PLXDC2: variants seen among roughly 807,000 people sequenced by gnomAD.
PLXDC2 encodes plexin domain-containing protein 2.
PLXDC2 carries 40 observed loss-of-function variants against 68.9 expected under a neutral mutation model. The ratio of observed to expected loss-of-function variants is 0.58; its 90% confidence interval spans 0.45 to 0.76. The LOEUF is 0.76. Among genes scored for constraint, PLXDC2 ranks in the 30% least tolerant of loss-of-function variants. The probability of loss-of-function intolerance (pLI) is 0.00; values close to 1 mark genes in which losing one functional copy is unlikely to be tolerated. For synonymous variants in PLXDC2, 243 were observed against 234.2 expected (o/e 1.04, Z -0.34); for missense variants, 644 against 661.9 (o/e 0.97, Z 0.30).
rs1160996270 is a variant in PLXDC2, at chr10:19,817,203, G to T, written c.112+12G>T. 6.4e-7 allele frequency: 1 copy of T among 1,551,710 alleles called. No individual in the cohort carries two copies. ...AGACCAAATCCTTGGTAAGTAAGAT[G>T]CACTTTAGCTTGCTGATTTTGTGCG... On this transcript the variant is annotated intron_variant, in intron 1 of 13. Coordinates refer to ENST00000377252, the MANE Select transcript of PLXDC2 (RefSeq NM_032812.9).
intron 7 of PLXDC2, among the ~76,000 whole-genome samples, chr10:20,175,582 A>G (rs988535478): frequency 6.6e-6 from 1 of 152,196 alleles, no homozygotes; most frequent in Non-Finnish European, 1.5e-5. Context: ...TAATCCCATC[A>G]CTTTGGGAGG....
intron 13 of PLXDC2, among the ~76,000 whole-genome samples, chr10:20,279,036 C>A (rs1564374714): frequency 6.6e-6 from 1 of 152,124 alleles, no homozygotes; most frequent in African/African-American, 2.4e-5. Context: ...GGACTAGTGT[C>A]TATTGTACAA....
chr10:19,922,696 C>T (rs1334753390), intron 1 of PLXDC2, among the ~76,000 whole-genome samples: 2 of 152,162 alleles, frequency 1.3e-5, no homozygotes, highest in Non-Finnish European at 2.9e-5. Flanking sequence ...ATATATGAGA[C>T]TCAGCTTAGT....
intron 1 of PLXDC2, among the ~76,000 whole-genome samples, chr10:19,949,594 T>C (rs1833961291): frequency 6.6e-6 from 1 of 152,216 alleles, no homozygotes; most frequent in Non-Finnish European, 1.5e-5. Context: ...CAGCTTATGT[T>C]AGAGTGTATA....
intron 1 of PLXDC2, among the ~76,000 whole-genome samples, chr10:19,983,166 AT>A (rs932616957): frequency 1.3e-5 from 2 of 152,170 alleles, no homozygotes; most frequent in African/African-American, 2.4e-5. Flanking sequence ...AATCTTTAGT[AT>A]TTACTGAACG....
At chr10:19,845,263 A>T (rs1326885299) in intron 1 of PLXDC2, among the ~76,000 whole-genome samples, 1 of 152,072 alleles carries the variant, frequency 6.6e-6, no homozygotes, top group Non-Finnish European at 1.5e-5. Context: ...AACGTGTAGG[A>T]TTTGTTTTTT....
chr10:19,936,602 G>A (rs933810454), intron 1 of PLXDC2, among the ~76,000 whole-genome samples: 2 of 152,102 alleles, frequency 1.3e-5, no homozygotes, highest in Non-Finnish European at 2.9e-5. Context: ...GCACTGGGGC[G>A]GGCTCACACC....
intron 1 of PLXDC2, among the ~76,000 whole-genome samples, chr10:19,991,333 T>G (rs1057245133): frequency 1.4e-5 from 2 of 145,874 alleles, no homozygotes; most frequent in African/African-American, 5.1e-5. Context: ...AATTTCTATT[T>G]CTCATCATTT....
intron 4 of PLXDC2, among the ~76,000 whole-genome samples, chr10:20,103,072 A>T (rs1171384550): frequency 6.6e-6 from 1 of 152,148 alleles, no homozygotes; most frequent in Admixed American, 6.5e-5. Context: ...TATGTGGAGT[A>T]CCTCTGAGAG....
At chr10:20,002,488 A>T (rs1159486202) in intron 2 of PLXDC2, among the ~76,000 whole-genome samples, 1 of 152,006 alleles carries the variant, frequency 6.6e-6, no homozygotes, top group East Asian at 1.9e-4. Context: ...TGGACTCCTG[A>T]CCTTAAGTGA....
intron 1 of PLXDC2, among the ~76,000 whole-genome samples, chr10:19,856,332 G>T (rs1404972790): frequency 6.6e-6 from 1 of 150,990 alleles, no homozygotes; most frequent in African/African-American, 2.4e-5. Flanking sequence ...TTTTATTAAA[G>T]ATAACTCACA....
intron 4 of PLXDC2, among the ~76,000 whole-genome samples, chr10:20,125,920 A>G (rs1487839627): frequency 9.9e-6 from 1 of 100,634 alleles, no homozygotes; most frequent in Non-Finnish European, 2.0e-5. Context: ...TACTCCTTGC[A>G]GAGAGAAATG....
At chr10:20,189,504 T>TATATATATATATATATATATATATAC (rs1554773611) in intron 9 of PLXDC2, among the ~76,000 whole-genome samples, 2 of 121,592 alleles carry the variant, frequency 1.6e-5, no homozygotes, top group Non-Finnish European at 3.4e-5. Flanking sequence ...TATATATATA[T>TATATATATATATATATATATATATAC]ACACATACAC....
At chr10:19,889,295 A>G (rs1010852774) in intron 1 of PLXDC2, among the ~76,000 whole-genome samples, 1 of 151,960 alleles carries the variant, frequency 6.6e-6, no homozygotes, top group African/African-American at 2.4e-5. Flanking sequence ...ATTTCTCTTA[A>G]TGACCATGTC....
intron 7 of PLXDC2, among the ~76,000 whole-genome samples, chr10:20,166,649 C>T (rs536260621): frequency 2.8e-4 from 43 of 151,922 alleles, no homozygotes; most frequent in Non-Finnish European, 4.6e-4. Flanking sequence ...AAATTATTTG[C>T]GGCTTACTCA....
chr10:19,854,694 C>T (rs1386335351), intron 1 of PLXDC2, among the ~76,000 whole-genome samples: 1 of 152,142 alleles, frequency 6.6e-6, no homozygotes, highest in African/African-American at 2.4e-5. Flanking sequence ...TCCAGCCTAG[C>T]CTGGCCTTCC....
Position 20,090,445 on chromosome 10 carries a change from G to A in PLXDC2, c.541+22206G>A, listed in dbSNP as rs560693722. On this transcript the variant is annotated intron_variant, in intron 4 of 13. Transcript: ENST00000377252. ...TGAGATGGAGGGGAAGATATGCAGGGAGACGAGTTGTGGAGTTTTTTTACC... is the reference window on the plus strand; with the variant it reads ...TGAGATGGAGGGGAAGATATGCAGGAAGACGAGTTGTGGAGTTTTTTTACC... 2.2e-5 allele frequency among the ~76,000 whole-genome samples: 3 copies of A among 135,986 alleles called. No individual in the cohort carries two copies. The South Asian group carries it at 8.2e-4, about 37-fold the overall frequency. The allele number at this position is 135,986 out of a possible 152,430, so 89.2% of individuals were successfully genotyped here. A position where few individuals can be genotyped will look rare whatever the true frequency, so the allele number is the denominator to read the frequency against.
chr10:20,152,194 T>A (rs1400688720), intron 6 of PLXDC2, among the ~76,000 whole-genome samples: 1 of 152,054 alleles, frequency 6.6e-6, no homozygotes, highest in East Asian at 1.9e-4. Context: ...GATCAATAAA[T>A]AAGAAAATAC....
At chr10:19,869,494 G>A (rs1837493091) in intron 1 of PLXDC2, among the ~76,000 whole-genome samples, 1 of 108,136 alleles carries the variant, frequency 9.2e-6, no homozygotes, top group South Asian at 4.0e-4. Flanking sequence ...GGGTGGGAGG[G>A]AGGGAGGGAG....
Sources: allele counts gnomAD v4.1 joint callset (sites outside exome capture counted in the v4.1 genomes callset), GRCh38; gene constraint gnomAD v4.1.1; transcripts MANE v1.5; gene names NCBI Gene and HGNC (gene_info 2026-07-23, HGNC 2026-07-21).